PPP2R2B: variants seen among roughly 807,000 people sequenced by gnomAD.
PPP2R2B encodes serine/threonine-protein phosphatase 2A 55 kDa regulatory subunit B beta isoform.
PPP2R2B carries 5 observed loss-of-function variants against 46.0 expected under a neutral mutation model. The ratio of observed to expected loss-of-function variants is 0.11; its 90% confidence interval spans 0.06 to 0.23. The LOEUF is 0.23. Ranked by LOEUF, PPP2R2B falls within the 10% of genes least tolerant of loss-of-function variation. PPP2R2B has a pLI of 1.00. For synonymous variants in PPP2R2B, 215 were observed against 206.7 expected, an observed-to-expected ratio of 1.04 and a Z score of -0.34; for missense variants, 367 against 575.0, an observed-to-expected ratio of 0.64 and a Z score of 3.70.
At chr5:146,740,109 G>T (rs1017944650) in intron 2 of PPP2R2B, among the ~76,000 whole-genome samples, 5 of 152,190 alleles carry the variant, frequency 3.3e-5, no homozygotes, top group African/African-American at 1.2e-4. Flanking sequence ...TGTAGTTTGG[G>T]AGCCCTCTCT....
At chr5:146,851,712 AC>A (rs1468170124) in intron 2 of PPP2R2B, among the ~76,000 whole-genome samples, 5 of 152,154 alleles carry the variant, frequency 3.3e-5, no homozygotes, top group Non-Finnish European at 5.9e-5. Context: ...AGTCACTATA[AC>A]ACCTCAAAAT....
chr5:146,777,543 G>A (rs1305908606), intron 2 of PPP2R2B, among the ~76,000 whole-genome samples: 1 of 152,092 alleles, frequency 6.6e-6, no homozygotes, highest in Admixed American at 6.6e-5. Context: ...AAATAATAGT[G>A]ATAATTGCAC....
At chr5:146,677,882 G>A (rs1259936264) in intron 5 of PPP2R2B, among the ~76,000 whole-genome samples, 2 of 152,154 alleles carry the variant, frequency 1.3e-5, no homozygotes, top group African/African-American at 4.8e-5. Context: ...CAAGCCCCAT[G>A]AGAGCAGAGA....
intron 1 of PPP2R2B, among the ~76,000 whole-genome samples, chr5:146,886,975 G>A (rs1226493647): frequency 6.6e-6 from 1 of 151,980 alleles, no homozygotes; most frequent in Non-Finnish European, 1.5e-5. Context: ...TATGTGACCA[G>A]AATGTATAGA....
intron 1 of PPP2R2B, among the ~76,000 whole-genome samples, chr5:146,951,064 C>T (rs1431403246): frequency 1.3e-5 from 2 of 151,980 alleles, no homozygotes; most frequent in East Asian, 3.9e-4. Context: ...AATGGCCCTT[C>T]TATCTAAGAC....
chr5:146,946,175 T>C (rs185554739), intron 1 of PPP2R2B, among the ~76,000 whole-genome samples: 1 of 152,276 alleles, frequency 6.6e-6, no homozygotes, highest in East Asian at 1.9e-4. Flanking sequence ...GACATACAAT[T>C]AGCTAGTAGC....
chr5:146,985,468 A>G, intron 1 of PPP2R2B, among the ~76,000 whole-genome samples: 1 of 152,188 alleles, frequency 6.6e-6, no homozygotes, highest in East Asian at 1.9e-4. Flanking sequence ...CAAATTCAAA[A>G]AATTATTGCC....
intron 1 of PPP2R2B, among the ~76,000 whole-genome samples, chr5:146,932,395 T>G (rs1763997155): frequency 6.6e-6 from 1 of 152,146 alleles, no homozygotes; most frequent in Non-Finnish European, 1.5e-5. Context: ...GGGAGGTAAT[T>G]AAATCATGGG....
chr5:146,706,989 T>A (rs992914121), intron 2 of PPP2R2B: 2 of 985,614 alleles, frequency 2.0e-6, no homozygotes, highest in African/African-American at 3.2e-5. Flanking sequence ...ACTCCAGCTC[T>A]ACCTCGTTAA....
At chr5:146,890,802 A>G (rs1340490828) in intron 1 of PPP2R2B, among the ~76,000 whole-genome samples, 1 of 152,212 alleles carries the variant, frequency 6.6e-6, no homozygotes, top group African/African-American at 2.4e-5. Context: ...ATTGAAAAGT[A>G]GCATAGGCCC....
chr5:146,704,353 TAAC>T (rs1779710363), intron 2 of PPP2R2B, among the ~76,000 whole-genome samples: 1 of 152,204 alleles, frequency 6.6e-6, no homozygotes, highest in Non-Finnish European at 1.5e-5. Flanking sequence ...TTAGAGATAA[TAAC>T]GTCATTTGAA....
At chr5:146,774,560 T>C (rs911325850) in intron 2 of PPP2R2B, among the ~76,000 whole-genome samples, 1 of 152,066 alleles carries the variant, frequency 6.6e-6, no homozygotes, top group Non-Finnish European at 1.5e-5. Context: ...CTCATGCCTA[T>C]AATCCCAGCA....
Position 147,001,976 on chromosome 5 carries a change from G to A in PPP2R2B, c.79+53689C>T, listed in dbSNP as rs533122132. Among the ~76,000 whole-genome samples, 106 of 152,202 alleles carry A rather than the reference G, an allele frequency of 7.0e-4. 1 individual carries two copies. The highest frequency in any genetic ancestry group is 2.2e-4 in the Non-Finnish European group (15 of 68,016). On this transcript the variant is annotated intron_variant, in intron 1 of 8. Transcript: ENST00000336640. ...ACAAGTTGGTTGACCCTGCGGCCATGAGCGGAACTCTCAAAGTCATGTCGC... is the reference window on the plus strand; with the variant it reads ...ACAAGTTGGTTGACCCTGCGGCCATAAGCGGAACTCTCAAAGTCATGTCGC...
intron 1 of PPP2R2B, among the ~76,000 whole-genome samples, chr5:146,890,880 A>G (rs1339931158): frequency 2.0e-5 from 3 of 152,140 alleles, no homozygotes; most frequent in Non-Finnish European, 4.4e-5. Context: ...TCTCCCCAGG[A>G]AAACAGCAAC....
chr5:146,706,400 C>A, intron 2 of PPP2R2B: 1 of 779,654 alleles, frequency 1.3e-6, no homozygotes, highest in Non-Finnish European at 2.1e-6. Flanking sequence ...ACCTGCATAG[C>A]CGCTGGTGGT....
At chr5:146,790,198 C>T (rs1461137801) in intron 2 of PPP2R2B, among the ~76,000 whole-genome samples, 1 of 152,154 alleles carries the variant, frequency 6.6e-6, no homozygotes, top group African/African-American at 2.4e-5. Flanking sequence ...CACTGGTTTT[C>T]CTGAAGACTC....
chr5:147,032,268 C>A (rs538429438), intron 1 of PPP2R2B, among the ~76,000 whole-genome samples: 1 of 152,048 alleles, frequency 6.6e-6, no homozygotes, highest in African/African-American at 2.4e-5. Context: ...AAAGAAGATA[C>A]ACAAATGGCC....
chr5:146,780,184 C>A (rs531793716), intron 2 of PPP2R2B, among the ~76,000 whole-genome samples: 1 of 152,208 alleles, frequency 6.6e-6, no homozygotes, highest in East Asian at 1.9e-4. Context: ...AAACAAAAAG[C>A]CTCAATTATC....
intron 1 of PPP2R2B, among the ~76,000 whole-genome samples, chr5:146,891,299 G>A (rs1292556076): frequency 6.6e-6 from 1 of 152,200 alleles, no homozygotes; most frequent in Non-Finnish European, 1.5e-5. Flanking sequence ...TCCACTTGTA[G>A]AGTAGTTGTA....
Sources: gnomAD v4.1 joint callset for allele counts (sites outside exome capture counted in the v4.1 genomes callset) on GRCh38, gnomAD v4.1.1 for gene constraint, MANE v1.5 for transcripts, NCBI Gene and HGNC (gene_info 2026-07-23, HGNC 2026-07-21) for gene names.